Variants in DNM3 observed in about 807,000 individuals in gnomAD.
The protein encoded by DNM3 is dynamin-3.
In DNM3, 47 loss-of-function variants were observed where a neutral mutation model predicts 101.6. That is an observed-to-expected ratio of 0.46 (90% CI 0.37 to 0.59). The LOEUF is 0.59. Among genes scored for constraint, DNM3 ranks in the 20% least tolerant of loss-of-function variants. The pLI is 0.00. For missense variants in DNM3, 849 were observed against 1,085.7 expected, an observed-to-expected ratio of 0.78 and a Z score of 3.06; for synonymous variants, 385 against 387.9, an observed-to-expected ratio of 0.99 and a Z score of 0.09.
chr1:172,411,062 T>A lies in DNM3; in HGVS notation c.*3221T>A, dbSNP rs763767135. The A allele has an allele frequency of 1.6e-5, 16 of 985,136 alleles. No homozygotes were observed. Among genetic ancestry groups the A allele is most frequent in the Non-Finnish European group, 1.8e-5 (15 of 829,734 alleles). 61.0% of individuals were successfully genotyped at this position (985,136 alleles called of 1,614,324 possible). On this transcript the variant is annotated 3_prime_UTR_variant, in exon 21 of 21. Coordinates refer to ENST00000627582, the MANE Select transcript of DNM3 (RefSeq NM_015569.5). ...CTAGTTAAAATGCCACAAGCATGAG[T>A]GTGATTGTATGTGCACTGTGTGTAT...
chr1:172,121,247 G>A (rs1317992340), intron 13 of DNM3, among the ~76,000 whole-genome samples: 1 of 152,280 alleles, frequency 6.6e-6, no homozygotes, highest in South Asian at 2.1e-4. Context: ...TTTTCATCAT[G>A]GTTAATGGCC....
chr1:171,979,988 C>T (rs1427197415), intron 2 of DNM3, among the ~76,000 whole-genome samples: 2 of 152,084 alleles, frequency 1.3e-5, no homozygotes, highest in South Asian at 4.2e-4. Context: ...TCTCTGTCTC[C>T]GGTCTGATAC....
chr1:172,047,950 G>A (rs991277135), intron 9 of DNM3, among the ~76,000 whole-genome samples: 1 of 152,028 alleles, frequency 6.6e-6, no homozygotes, highest in Admixed American at 6.6e-5. Context: ...GTTTAAATTT[G>A]AGTAATCATT....
intron 4 of DNM3, among the ~76,000 whole-genome samples, chr1:172,009,825 A>T (rs1163099692): frequency 6.6e-6 from 1 of 151,336 alleles, no homozygotes; most frequent in Non-Finnish European, 1.5e-5. Context: ...TTATTGGATG[A>T]TGTGTTCTAT....
intron 15 of DNM3, among the ~76,000 whole-genome samples, chr1:172,283,780 A>AAAAAAAAAAAAAAAAAAGAAAG (rs1553221113): frequency 1.7e-5 from 2 of 119,088 alleles, no homozygotes; most frequent in Non-Finnish European, 3.4e-5. Context: ...AAAAAAAAAA[A>AAAAAAAAAAAAAAAAAAGAAAG]AAAGAAAGAA....
chr1:172,078,676 T>C (rs1376979284), intron 11 of DNM3, among the ~76,000 whole-genome samples: 1 of 152,228 alleles, frequency 6.6e-6, no homozygotes, highest in Non-Finnish European at 1.5e-5. Flanking sequence ...TGATGCTAGC[T>C]GGTTATTTTG....
At chr1:172,103,785 G>A (rs1001898360) in intron 13 of DNM3, among the ~76,000 whole-genome samples, 9 of 152,146 alleles carry the variant, frequency 5.9e-5, no homozygotes, top group Admixed American at 1.3e-4. Context: ...GGTGGATCAC[G>A]AGGTCAGGAG....
At chr1:172,016,105 T>G (rs1221896801) in intron 4 of DNM3, among the ~76,000 whole-genome samples, 1 of 151,086 alleles carries the variant, frequency 6.6e-6, no homozygotes, top group African/African-American at 2.4e-5. Flanking sequence ...GAGAATCACT[T>G]GAACTCAGGA....
In DNM3 at chr1:172,377,553, C is replaced by CATATATATATATATATATATAT. The variant is rs34612864; in HGVS notation, c.1894-1458_1894-1437dup. Among the ~76,000 whole-genome samples the CATATATATATATATATATATAT allele has an allele frequency of 1.8e-3, 221 of 123,366 alleles. 2 individuals are homozygous for CATATATATATATATATATATAT. The highest frequency in any genetic ancestry group is 4.2e-3 in the Middle Eastern group (1 of 240). The allele number at this position is 123,366 out of a possible 152,430, so 80.9% of individuals were successfully genotyped here. A position where few individuals can be genotyped will look rare whatever the true frequency, so the allele number is the denominator to read the frequency against. On this transcript the variant is annotated intron_variant, in intron 17 of 20. Transcript: ENST00000627582. ...ATCATCTGCTCTCATTGATATATAT[C>CATATATATATATATATATATAT]ATATATATATATATATATATATATA...
intron 14 of DNM3, among the ~76,000 whole-genome samples, chr1:172,209,170 G>A (rs951113167): frequency 1.3e-5 from 2 of 151,952 alleles, no homozygotes; most frequent in Non-Finnish European, 2.9e-5. Flanking sequence ...CTTATAAGAA[G>A]AGTAATTTTG....
chr1:172,391,978 T>G (rs2069564011), intron 20 of DNM3, among the ~76,000 whole-genome samples: 1 of 152,250 alleles, frequency 6.6e-6, no homozygotes, highest in Non-Finnish European at 1.5e-5. Context: ...TACTTTTATG[T>G]TAACGCCATT....
intron 14 of DNM3, among the ~76,000 whole-genome samples, chr1:172,199,336 T>G (rs1028647390): frequency 2.6e-5 from 4 of 152,146 alleles, no homozygotes; most frequent in Non-Finnish European, 5.9e-5. Context: ...AATTATATGG[T>G]CTATTTTAGA....
chr1:172,238,707 T>C (rs2061633817), intron 14 of DNM3, among the ~76,000 whole-genome samples: 1 of 151,960 alleles, frequency 6.6e-6, no homozygotes, highest in Non-Finnish European at 1.5e-5. Flanking sequence ...GGAAGCTTTG[T>C]TGGGATATAA....
At chr1:172,393,684 G>T (rs1370867344) in intron 20 of DNM3, 2 of 152,572 alleles carry the variant, frequency 1.3e-5, no homozygotes, top group African/African-American at 4.8e-5. Flanking sequence ...TCAGCCAGGA[G>T]CTTTCTATTT....
chr1:171,950,878 T>C (rs1029530293), intron 2 of DNM3, among the ~76,000 whole-genome samples: 3 of 152,202 alleles, frequency 2.0e-5, no homozygotes, highest in African/African-American at 7.2e-5. Context: ...TGTGTCCATA[T>C]GCCATATCGC....
At chr1:172,090,572 AAAAC>A (rs2053840338) in intron 12 of DNM3, among the ~76,000 whole-genome samples, 2 of 152,368 alleles carry the variant, frequency 1.3e-5, no homozygotes, top group Non-Finnish European at 2.9e-5. Flanking sequence ...GGAAAAATAA[AAAAC>A]AAGGAAGGAA....
chr1:172,285,069 C>A (rs1478205095), intron 15 of DNM3, among the ~76,000 whole-genome samples: 1 of 152,172 alleles, frequency 6.6e-6, no homozygotes, highest in Non-Finnish European at 1.5e-5. Flanking sequence ...GGATGAAGGG[C>A]ATGCCATACA....
At chr1:172,279,080 G>A (rs1476843512) in intron 15 of DNM3, among the ~76,000 whole-genome samples, 1 of 152,136 alleles carries the variant, frequency 6.6e-6, no homozygotes, top group East Asian at 1.9e-4. Context: ...TTGAGGAAAC[G>A]ATTGATGCTT....
At chr1:172,050,440 T>G (rs772316746) in intron 10 of DNM3, among the ~76,000 whole-genome samples, 4 of 145,386 alleles carry the variant, frequency 2.8e-5, no homozygotes, top group Non-Finnish European at 6.2e-5. Flanking sequence ...TTTAGCCAGT[T>G]GCACTTATTT....
Sources: gnomAD v4.1 joint callset for allele counts (sites outside exome capture counted in the v4.1 genomes callset) on GRCh38, gnomAD v4.1.1 for gene constraint, MANE v1.5 for transcripts, NCBI Gene and HGNC (gene_info 2026-07-23, HGNC 2026-07-21) for gene names.